Variants in TTC23L observed in about 807,000 individuals in gnomAD.
TTC23L encodes tetratricopeptide repeat protein 23-like.
TTC23L carries 42 observed loss-of-function variants against 48.1 expected under a neutral mutation model. The ratio of observed to expected loss-of-function variants is 0.87; its 90% CI spans 0.68 to 1.13. The LOEUF (loss-of-function observed/expected upper bound fraction) is 1.13, where lower values mean the gene tolerates loss of function less well. TTC23L is among the 50% of genes most tolerant of loss of function. The pLI is 0.00. For synonymous variants in TTC23L, 159 were observed against 157.2 expected, an observed-to-expected ratio of 1.01 and a Z score of -0.09; for missense variants, 391 against 421.0, an observed-to-expected ratio of 0.93 and a Z score of 0.62.
intron 4 of TTC23L, among the ~76,000 whole-genome samples, chr5:34,850,878 G>A (rs1759616054): frequency 6.6e-6 from 1 of 152,204 alleles, no homozygotes; most frequent in East Asian, 1.9e-4. Flanking sequence ...TTCCTTGAGA[G>A]TAGAAAGTTT....
the TTC23L span, chr5:34,922,783 C>T: frequency 8.8e-5 from 142 of 1,608,828 alleles, 1 homozygote; most frequent in South Asian, 1.5e-3. Flanking sequence ...GTTTCTCATT[C>T]AGTGTATGAG....
intron 9 of TTC23L, among the ~76,000 whole-genome samples, chr5:34,887,872 T>G (rs536522308): frequency 2.0e-5 from 3 of 152,346 alleles, no homozygotes; most frequent in African/African-American, 7.2e-5. Context: ...GCATATACAT[T>G]GTAAGGATTT....
At chr5:34,884,955 T>C (rs1762458991) in intron 9 of TTC23L, among the ~76,000 whole-genome samples, 1 of 152,216 alleles carries the variant, frequency 6.6e-6, no homozygotes, top group African/African-American at 2.4e-5. Flanking sequence ...AAGAAATGTC[T>C]GTTACATCTG....
At chr5:34,852,981 C>G (rs1759801076) in intron 4 of TTC23L, among the ~76,000 whole-genome samples, 1 of 152,132 alleles carries the variant, frequency 6.6e-6, no homozygotes, top group Admixed American at 6.5e-5. Context: ...ACCAGAACAG[C>G]ATGGGAAAAC....
the TTC23L span, chr5:34,923,343 A>C: frequency 1.2e-6 from 1 of 832,650 alleles, no homozygotes; most frequent in Non-Finnish European, 1.9e-6. Context: ...GCAGTGGCAC[A>C]ATCTTGGCTC....
chr5:34,865,505 T>C (rs951493384), intron 6 of TTC23L, among the ~76,000 whole-genome samples: 2 of 152,178 alleles, frequency 1.3e-5, no homozygotes, highest in African/African-American at 4.8e-5. Context: ...TGAAAGATAG[T>C]CTTATTCTTT....
chr5:34,922,799 A>AT, the TTC23L span: 1 of 1,578,642 alleles, frequency 6.3e-7, no homozygotes, highest in Non-Finnish European at 8.7e-7. Context: ...ATGAGGTCTA[A>AT]TTTTCTTATC....
chr5:34,851,413 CT>C (rs1285935665), intron 4 of TTC23L, among the ~76,000 whole-genome samples: 3 of 152,124 alleles, frequency 2.0e-5, no homozygotes, highest in African/African-American at 4.8e-5. Context: ...TCTATAGGCC[CT>C]TTTACACCCA....
At chr5:34,905,494 A>T in the TTC23L span, 1 of 152,114 alleles carries the variant, frequency 6.6e-6, no homozygotes, top group African/African-American at 2.4e-5. Context: ...TATTTTTATT[A>T]AAGTGGAATT....
chr5:34,873,464 T>C (rs1363357364), intron 8 of TTC23L, among the ~76,000 whole-genome samples: 2 of 152,040 alleles, frequency 1.3e-5, no homozygotes, highest in African/African-American at 4.8e-5. Flanking sequence ...GGTCGGTCCA[T>C]GAGAATTGCA....
At chr5:34,856,598 A>T (rs1760148264) in intron 4 of TTC23L, among the ~76,000 whole-genome samples, 1 of 152,256 alleles carries the variant, frequency 6.6e-6, no homozygotes, top group Non-Finnish European at 1.5e-5. Flanking sequence ...TTGAAGTAAT[A>T]GGAGTTGATA....
chr5:34,846,547 G>A (rs1231821460), intron 3 of TTC23L, among the ~76,000 whole-genome samples: 2 of 101,810 alleles, frequency 2.0e-5, no homozygotes, highest in Non-Finnish European at 1.8e-5. Flanking sequence ...GCCGACAACA[G>A]CTAGACTCTG....
the TTC23L span, chr5:34,919,694 T>G: frequency 1.7e-5 from 6 of 355,004 alleles, no homozygotes; most frequent in Admixed American, 1.5e-4. Flanking sequence ...TGTTTCCAGC[T>G]CTTGTTTTGA....
intron 9 of TTC23L, among the ~76,000 whole-genome samples, chr5:34,890,574 T>C (rs1415920841): frequency 6.6e-6 from 1 of 152,000 alleles, no homozygotes; most frequent in East Asian, 1.9e-4. Flanking sequence ...CTGACTTTGA[T>C]GAATTTGAGT....
chr5:34,870,584 G>A (rs1036372604), intron 8 of TTC23L, among the ~76,000 whole-genome samples: 3 of 152,090 alleles, frequency 2.0e-5, no homozygotes, highest in African/African-American at 7.2e-5. Context: ...CAGAAGAGGA[G>A]AAAACACTTT....
intron 4 of TTC23L, among the ~76,000 whole-genome samples, chr5:34,856,537 A>G (rs775793669): frequency 9.9e-5 from 15 of 152,188 alleles, no homozygotes; most frequent in Non-Finnish European, 2.1e-4. Flanking sequence ...GGAATGTTTG[A>G]GACCAGAACT....
chr5:34,873,445 A>G (rs1761612880), intron 8 of TTC23L, among the ~76,000 whole-genome samples: 1 of 152,206 alleles, frequency 6.6e-6, no homozygotes, highest in African/African-American at 2.4e-5. Context: ...GCTTCCATCC[A>G]GTGCCCCAGG....
intron 6 of TTC23L, among the ~76,000 whole-genome samples, chr5:34,866,103 C>A (rs893971540): frequency 1.3e-5 from 2 of 152,134 alleles, no homozygotes; most frequent in African/African-American, 2.4e-5. Flanking sequence ...GAAAGATAAA[C>A]CTCAATGAGA....
chr5:34,845,826 G>A, intron 3 of TTC23L, 153 bp downstream of exon 3: 1 of 743,964 alleles, frequency 1.3e-6, no homozygotes, highest in Non-Finnish European at 2.1e-6. Context: ...AGCCTACTTA[G>A]GTAGCCAGCC....
Sources: gnomAD v4.1 joint callset for allele counts (sites outside exome capture counted in the v4.1 genomes callset) on GRCh38, gnomAD v4.1.1 for gene constraint, MANE v1.5 for transcripts, NCBI Gene and HGNC (gene_info 2026-07-23, HGNC 2026-07-21) for gene names.